Variants in PIK3CB observed in about 807,000 individuals in gnomAD.
PIK3CB encodes the protein phosphatidylinositol 4,5-bisphosphate 3-kinase catalytic subunit beta isoform.
A neutral mutation model predicts 136.8 loss-of-function variants in PIK3CB; 39 were observed. The observed-to-expected ratio is 0.29, with a 90% CI of 0.22 to 0.37. The LOEUF (loss-of-function observed/expected upper bound fraction) is 0.37. Among genes scored for constraint, PIK3CB ranks in the 10% least tolerant of loss-of-function variants. The probability of loss-of-function intolerance (pLI) is 1.00; values close to 1 mark genes in which losing one functional copy is unlikely to be tolerated. For missense variants in PIK3CB, 868 were observed against 1,275.4 expected (o/e 0.68, Z 4.87); for synonymous variants, 428 against 436.6 (o/e 0.98, Z 0.25).
chr3:138,833,932 T>C (rs1041903363), intron 1 of PIK3CB, among the ~76,000 whole-genome samples: 1 of 152,296 alleles, frequency 6.6e-6, no homozygotes, highest in Middle Eastern at 3.4e-3. Context: ...AGGATTCTAG[T>C]AAGGGACTAT....
At chr3:138,828,769 T>TA (rs993606224) in intron 1 of PIK3CB, among the ~76,000 whole-genome samples, 4 of 151,742 alleles carry the variant, frequency 2.6e-5, no homozygotes, top group Admixed American at 2.6e-4. Flanking sequence ...ACCCCGCCTC[T>TA]AAAAAAATTT....
At chr3:138,787,755 AGTTT>A (rs1192805799) in intron 2 of PIK3CB, among the ~76,000 whole-genome samples, 1 of 151,102 alleles carries the variant, frequency 6.6e-6, no homozygotes, top group Non-Finnish European at 1.5e-5. Flanking sequence ...AAAAAAATCT[AGTTT>A]GTTTAATTGC....
intron 1 of PIK3CB, among the ~76,000 whole-genome samples, chr3:138,818,913 T>A (rs1191904638): frequency 6.6e-6 from 1 of 152,170 alleles, no homozygotes; most frequent in African/African-American, 2.4e-5. Context: ...TACAAAATTA[T>A]ATATATGCTA....
At chr3:138,697,664 C>T (rs1035158799) in intron 13 of PIK3CB, among the ~76,000 whole-genome samples, 3 of 152,040 alleles carry the variant, frequency 2.0e-5, no homozygotes, top group Admixed American at 2.0e-4. Context: ...AATTGCTGAG[C>T]TGGTCTCAAC....
At chr3:138,788,964 C>CA (rs57432821) in intron 2 of PIK3CB, among the ~76,000 whole-genome samples, 2,947 of 89,238 alleles carry the variant, frequency 0.033, 386 homozygotes, top group Non-Finnish European at 0.045. Context: ...GACTTCGTCT[C>CA]AAAAAAAAAA....
chr3:138,806,549 G>A (rs928806829), intron 1 of PIK3CB, among the ~76,000 whole-genome samples: 1 of 152,136 alleles, frequency 6.6e-6, no homozygotes, highest in Non-Finnish European at 1.5e-5. Context: ...CAGCAGAACA[G>A]GGATTTCCAA....
chr3:138,759,336 A>C lies in PIK3CB; in HGVS notation c.8T>G (p.Phe3Cys). 1 of 1,607,420 alleles carries C rather than the reference A, an allele frequency of 6.2e-7. No individual in the cohort carries two copies. The highest frequency in any genetic ancestry group is 8.5e-7 in the Non-Finnish European group (1 of 1,175,282). MCFSFIMPPAMAD... is the reference protein window; with the variant it reads MCCSFIMPPAMAD... ...CATAGCAGGAGGCATTATGAAACTGAAGCACATTCATAACCACGGGGCCCT... is the reference window on the plus strand; with the variant it reads ...CATAGCAGGAGGCATTATGAAACTGCAGCACATTCATAACCACGGGGCCCT... Residue 3 changes from phenylalanine to cysteine, a missense_variant, in exon 3 of 24, where the codon TTC becomes TGC. Phe to Cys is a radical substitution (Grantham distance 205, BLOSUM62 -2). Transcript: ENST00000674063.
intron 11 of PIK3CB, among the ~76,000 whole-genome samples, chr3:138,705,181 CAAAACAAACAAAAAAAAAA>C (rs2044347495): frequency 3.4e-5 from 2 of 58,528 alleles, no homozygotes; most frequent in Non-Finnish European, 5.8e-5. Flanking sequence ...AAACAAAAAA[CAAAACAAACAAAAAAAAAA>C]ACTTATATTT....
At chr3:138,658,593 T>C (rs1203148672) in intron 21 of PIK3CB, among the ~76,000 whole-genome samples, 1 of 152,218 alleles carries the variant, frequency 6.6e-6, no homozygotes, top group Non-Finnish European at 1.5e-5. Flanking sequence ...AATATGTTTA[T>C]ATTTATTTTT....
intron 2 of PIK3CB, among the ~76,000 whole-genome samples, chr3:138,765,679 CAA>C (rs34550458): frequency 1.3e-4 from 15 of 119,188 alleles, no homozygotes; most frequent in Admixed American, 2.5e-4. Context: ...CCCCTCTCTT[CAA>C]AAAAAAAAAA....
intron 2 of PIK3CB, among the ~76,000 whole-genome samples, chr3:138,763,962 T>C (rs1197727642): frequency 6.6e-6 from 1 of 150,976 alleles, no homozygotes; most frequent in Non-Finnish European, 1.5e-5. Flanking sequence ...AATGCAAACA[T>C]TAGCTGGGCA....
rs950773696 is a variant in PIK3CB, at chr3:138,723,043, G to A, written c.1051-8324C>T. Among the ~76,000 whole-genome samples, 4 of 151,596 alleles carry A rather than the reference G, an allele frequency of 2.6e-5. No homozygotes were observed. The East Asian group carries it at 7.8e-4, about 30-fold the overall frequency. The stretch of plus-strand genomic sequence containing the variant: ...AAAAAAGACCCAACTTTATAATGAT[G>A]CTAAAAATTTTGTTCTCTGAATTTA... On this transcript the variant is annotated intron_variant, in intron 8 of 23. Transcript: ENST00000674063.
At chr3:138,690,911 A>G in intron 15 of PIK3CB, 89 bp downstream of exon 15, 1 of 1,050,876 alleles carries the variant, frequency 9.5e-7, no homozygotes, top group Non-Finnish European at 1.4e-6. Context: ...GAAAAAAACT[A>G]AAGCAGCTAT....
intron 1 of PIK3CB, among the ~76,000 whole-genome samples, chr3:138,801,157 C>T (rs2046169991): frequency 6.6e-6 from 1 of 151,934 alleles, no homozygotes; most frequent in African/African-American, 2.4e-5. Context: ...ATTCTCTAGG[C>T]ACAGTAAAAA....
chr3:138,778,476 T>C (rs1018725536), intron 2 of PIK3CB: 2 of 240,556 alleles, frequency 8.3e-6, no homozygotes, highest in Admixed American at 1.0e-4. Flanking sequence ...GGCAAAGTCA[T>C]CTCCAAGCTG....
chr3:138,704,481 C>A lies in PIK3CB; in HGVS notation c.1543G>T (p.Ala515Ser). The change falls in exon 12 of 24, where the codon GCA (alanine) becomes TCA (serine). Residue 515 changes from alanine to serine, a missense_variant. Physicochemically the swap from Ala to Ser is moderately conservative, Grantham distance 99. Transcript: ENST00000674063. ...YPPFDKIIEK[A>S]AEIASSDSAN... is the part of the protein sequence containing the mutation. Reference sequence around the variant, plus strand: ...CTATCACTGCTTGCAATCTCAGCTGCCTTTTCAATAATCTGTTTAAAAAAA... The same window carrying A: ...CTATCACTGCTTGCAATCTCAGCTGACTTTTCAATAATCTGTTTAAAAAAA... 1.9e-6 allele frequency: 3 copies of A among 1,606,216 alleles called. No homozygotes were observed. Among genetic ancestry groups the A allele is most frequent in the Non-Finnish European group, 2.6e-6 (3 of 1,172,986 alleles).
chr3:138,721,378 C>T (rs1263966468), intron 8 of PIK3CB, among the ~76,000 whole-genome samples: 1 of 151,982 alleles, frequency 6.6e-6, no homozygotes, highest in Non-Finnish European at 1.5e-5. Context: ...TTGGTCATGC[C>T]GGTCTCTAAC....
intron 8 of PIK3CB, among the ~76,000 whole-genome samples, chr3:138,718,213 T>A (rs1178079691): frequency 6.6e-6 from 1 of 152,220 alleles, no homozygotes; most frequent in Non-Finnish European, 1.5e-5. Flanking sequence ...TTTTTAACAA[T>A]AGCCATTGCG....
rs150059526 is a variant in PIK3CB at position 138,760,251 on chromosome 3, G to A, written c.-16-892C>T. ...AAGGACAATTTTCTATCAACCTCAC[G>A]GCCCATCCCCTAAGCATTAAAAACA... On this transcript the variant is annotated intron_variant, in intron 2 of 23. Transcript: ENST00000674063. Among the ~76,000 whole-genome samples, 602 of 151,892 alleles carry A rather than the reference G, an allele frequency of 4.0e-3. 2 individuals are homozygous for A. The highest frequency in any genetic ancestry group is 6.8e-3 in the Non-Finnish European group (461 of 67,944).
Sources: allele counts gnomAD v4.1 joint callset (sites outside exome capture counted in the v4.1 genomes callset), GRCh38; gene constraint gnomAD v4.1.1; transcripts MANE v1.5; gene names NCBI Gene and HGNC (gene_info 2026-07-23, HGNC 2026-07-21).